DYNC1I1: variants seen among roughly 807,000 people sequenced by gnomAD.
DYNC1I1 encodes dynein cytoplasmic 1 intermediate chain 1, also known as cytoplasmic dynein 1 intermediate chain 1.
A neutral mutation model predicts 86.6 loss-of-function variants in DYNC1I1; 43 were observed. The observed-to-expected ratio is 0.50, with a 90% confidence interval of 0.39 to 0.64. The LOEUF (loss-of-function observed/expected upper bound fraction) is 0.64. Among genes scored for constraint, DYNC1I1 ranks in the 30% least tolerant of loss-of-function variants. DYNC1I1 has a pLI of 0.00. For synonymous variants in DYNC1I1, 262 were observed against 283.7 expected (o/e 0.92, Z 0.77); for missense variants, 604 against 788.8 (o/e 0.77, Z 2.81).
At chr7:95,854,233 G>A (rs1449675637) in intron 5 of DYNC1I1, among the ~76,000 whole-genome samples, 1 of 151,880 alleles carries the variant, frequency 6.6e-6, no homozygotes, top group Non-Finnish European at 1.5e-5. Flanking sequence ...CTGTCTTGCT[G>A]TGTTCCTTTG....
At chr7:95,898,260 G>A (rs1790940037) in intron 6 of DYNC1I1, among the ~76,000 whole-genome samples, 1 of 152,176 alleles carries the variant, frequency 6.6e-6, no homozygotes, top group Non-Finnish European at 1.5e-5. Context: ...GGGCCTCTGG[G>A]TTTTGTGTTA....
intron 5 of DYNC1I1, among the ~76,000 whole-genome samples, chr7:95,835,214 T>G (rs1391443334): frequency 9.7e-6 from 1 of 102,778 alleles, no homozygotes; most frequent in Non-Finnish European, 1.9e-5. Flanking sequence ...TATTTCTGCC[T>G]TCATTTCGTT....
chr7:95,882,890 G>A (rs570191238), intron 6 of DYNC1I1, among the ~76,000 whole-genome samples: 8 of 152,142 alleles, frequency 5.3e-5, no homozygotes, highest in African/African-American at 7.2e-5. Flanking sequence ...GAAATCTCTC[G>A]TCACATTATA....
chr7:95,852,318 A>G (rs115789705), intron 5 of DYNC1I1, among the ~76,000 whole-genome samples: 2 of 151,818 alleles, frequency 1.3e-5, no homozygotes, highest in Non-Finnish European at 1.5e-5. Context: ...ATAGTCTTTT[A>G]TGATTCTTTG....
chr7:96,024,671 T>C (rs1794634355), intron 10 of DYNC1I1, among the ~76,000 whole-genome samples: 1 of 152,132 alleles, frequency 6.6e-6, no homozygotes, highest in African/African-American at 2.4e-5. Context: ...TTTTTTAAAA[T>C]AAAATGGTGT....
rs534800648 is a variant in DYNC1I1, at chr7:95,847,557, C to A, written c.374+19441C>A. Among the ~76,000 whole-genome samples the A allele has an allele frequency of 2.0e-4, 31 of 152,244 alleles. 1 individual carries two copies. Among genetic ancestry groups the A allele is most frequent in the African/African-American group, 7.0e-4 (29 of 41,536 alleles). The stretch of plus-strand genomic sequence containing the variant: ...ACATGTTTTAAATGTTGTCTTGCAG[C>A]TGTCAATTTCTTACCCAGCAACTTT... On this transcript the variant is annotated intron_variant, in intron 5 of 16. Transcript: ENST00000447467.
intron 5 of DYNC1I1, among the ~76,000 whole-genome samples, chr7:95,854,579 T>C (rs1789667127): frequency 6.6e-6 from 1 of 152,198 alleles, no homozygotes; most frequent in South Asian, 2.1e-4. Flanking sequence ...CACACCACCA[T>C]TGCAGTATTA....
At chr7:95,922,251 TCTGAAACATG>T (rs1332655094) in intron 6 of DYNC1I1, among the ~76,000 whole-genome samples, 1 of 152,140 alleles carries the variant, frequency 6.6e-6, no homozygotes, top group East Asian at 1.9e-4. Context: ...TCAAAAACCT[TCTGAAACATG>T]CTGCGGTATA....
chr7:96,106,096 A>G (rs1222193464), intron 16 of DYNC1I1, among the ~76,000 whole-genome samples: 2 of 152,164 alleles, frequency 1.3e-5, no homozygotes, highest in Non-Finnish European at 2.9e-5. Flanking sequence ...CCAGCTTTTT[A>G]AATTGTCAAT....
intron 13 of DYNC1I1, among the ~76,000 whole-genome samples, chr7:96,037,420 T>C (rs1220952735): frequency 6.6e-6 from 1 of 152,144 alleles, no homozygotes; most frequent in East Asian, 1.9e-4. Flanking sequence ...CTGATGACGG[T>C]GAGAAAGATA....
At chr7:95,846,736 G>A (rs186770928) in intron 5 of DYNC1I1, among the ~76,000 whole-genome samples, 1 of 151,100 alleles carries the variant, frequency 6.6e-6, no homozygotes, top group Admixed American at 6.6e-5. Flanking sequence ...TCCTCCATGT[G>A]GTATCCCATA....
intron 6 of DYNC1I1, among the ~76,000 whole-genome samples, chr7:95,972,442 A>G (rs978351957): frequency 1.3e-5 from 2 of 152,168 alleles, no homozygotes; most frequent in African/African-American, 4.8e-5. Context: ...CTGACTCCCC[A>G]GATCCTGTCT....
intron 4 of DYNC1I1, 146 bp downstream of exon 4, chr7:95,813,483 G>T: frequency 9.5e-7 from 1 of 1,050,278 alleles, no homozygotes; most frequent in Non-Finnish European, 1.3e-6. Context: ...ATGGTGGCTT[G>T]CTATTTTTAG....
chr7:95,862,107 C>A (rs1292437838), intron 5 of DYNC1I1, among the ~76,000 whole-genome samples: 1 of 151,988 alleles, frequency 6.6e-6, no homozygotes, highest in Non-Finnish European at 1.5e-5. Flanking sequence ...TAGGAGAAAA[C>A]ATAGGTTTAA....
At position 95,991,586 on chromosome 7, in the gene DYNC1I1, C is replaced by T. The variant is rs372350765; in HGVS notation, c.844-4362C>T. On this transcript the variant is annotated intron_variant, in intron 9 of 16. Transcript: ENST00000447467. ...AGTTTACAATATTCTGGTTAGAGAACGCCTTTGGCTCAGCTGGGTCAAGTA... is the reference window on the plus strand; with the variant it reads ...AGTTTACAATATTCTGGTTAGAGAATGCCTTTGGCTCAGCTGGGTCAAGTA... Among the ~76,000 whole-genome samples the T allele has an allele frequency of 1.6e-4, 25 of 152,254 alleles. No homozygotes were observed. In the East Asian group the frequency reaches 3.3e-3, roughly 20 times the overall value.
At chr7:95,787,421 A>G (rs1266903303) in intron 1 of DYNC1I1, among the ~76,000 whole-genome samples, 4 of 152,198 alleles carry the variant, frequency 2.6e-5, no homozygotes, top group Admixed American at 6.5e-5. Flanking sequence ...GGGAGGCAGA[A>G]TCTAGGTGTG....
At position 95,879,526 on chromosome 7, in the gene DYNC1I1, TAATC is replaced by T. The variant is rs1008921194; in HGVS notation, c.490+9531_490+9534del. 1.4e-3 allele frequency among the ~76,000 whole-genome samples: 144 copies of T among 104,988 alleles called. 11 individuals are homozygous for T. The highest frequency in any genetic ancestry group is 9.0e-5 in the Non-Finnish European group (4 of 44,236). The allele number at this position is 104,988 out of a possible 152,430, so 68.9% of individuals were successfully genotyped here. A position where few individuals can be genotyped will look rare whatever the true frequency, so the allele number is the denominator to read the frequency against. On this transcript the variant is annotated intron_variant, in intron 6 of 16. Coordinates refer to ENST00000447467, the MANE Select transcript of DYNC1I1 (RefSeq NM_001135556.2). Reference sequence around the variant, plus strand: ...AGCAAAAGTAAAGTAAGTGATAAAATAATCAAAGAGTAAAAAGAGTCATGCTTAG... The same window carrying T: ...AGCAAAAGTAAAGTAAGTGATAAAATAAAGAGTAAAAAGAGTCATGCTTAG...
chr7:95,840,002 T>C (rs1408207763), intron 5 of DYNC1I1, among the ~76,000 whole-genome samples: 1 of 152,166 alleles, frequency 6.6e-6, no homozygotes, highest in Non-Finnish European at 1.5e-5. Context: ...CAAAATCCTC[T>C]CTTTGCTTTT....
At chr7:96,097,387 G>T in intron 16 of DYNC1I1, 96 bp from the exon 17 acceptor site, 1 of 1,335,660 alleles carries the variant, frequency 7.5e-7, no homozygotes, top group Admixed American at 1.9e-5. Context: ...ATCTGCTTTG[G>T]AGGGTGTGGG....
Sources: gnomAD v4.1 joint callset for allele counts (sites outside exome capture counted in the v4.1 genomes callset) on GRCh38, gnomAD v4.1.1 for gene constraint, MANE v1.5 for transcripts, NCBI Gene and HGNC (gene_info 2026-07-23, HGNC 2026-07-21) for gene names.